Variants in EDRF1 observed in about 807,000 individuals in gnomAD.
EDRF1 encodes the protein erythroid differentiation regulatory factor 1.
Under a neutral mutation model 148.7 loss-of-function variants are expected in EDRF1, and 69 were observed. That is an observed-to-expected ratio of 0.46 (90% CI 0.38 to 0.57). The LOEUF is 0.57. EDRF1 is among the 20% of genes least tolerant of loss of function. The probability of loss-of-function intolerance (pLI) is 0.00; values close to 1 mark genes in which losing one functional copy is unlikely to be tolerated. For missense variants in EDRF1, 1,118 were observed against 1,478.7 expected (o/e 0.76, Z 4.00); for synonymous variants, 515 against 532.8 (o/e 0.97, Z 0.46).
chr10:125,729,497 C>A lies in EDRF1; in HGVS notation c.1016+18C>A. The A allele has an allele frequency of 6.2e-7, 1 of 1,614,000 alleles. No homozygotes were observed. The highest frequency in any genetic ancestry group is 8.5e-7 in the Non-Finnish European group (1 of 1,179,910). ...CGTCTCAGGTGAACTAACATCATAC[C>A]CCTCCTCAAGCTTATGGTATTTAAA... is the stretch of plus-strand genomic sequence containing the variant. On this transcript the variant is annotated intron_variant, in intron 8 of 24. Transcript: ENST00000356792.
chr10:125,720,951 A>G (rs1222697307), intron 1 of EDRF1, among the ~76,000 whole-genome samples: 1 of 152,102 alleles, frequency 6.6e-6, no homozygotes, highest in African/African-American at 2.4e-5. Flanking sequence ...TTTAAAAGAG[A>G]TGTGGGTGGT....
rs771779222 is a variant in EDRF1, at chr10:125,719,757, T to A, written c.-51T>A. On this transcript the variant is annotated 5_prime_UTR_variant, in exon 1 of 25. Coordinates refer to ENST00000356792, the MANE Select transcript of EDRF1 (RefSeq NM_001202438.2). ...TTACCCTGCTTTGGGCCTGCGTTGC[T>A]GCTGCTGCTCCTCCGCTCCCCCGTC... The A allele has an allele frequency of 5.4e-6, 8 of 1,490,432 alleles. No homozygotes were observed. Among genetic ancestry groups the A allele is most frequent in the South Asian group, 1.2e-5 (1 of 83,404 alleles). The allele number at this position is 1,490,432 out of a possible 1,614,324, so 92.3% of individuals were successfully genotyped here. A position where few individuals can be genotyped will look rare whatever the true frequency, so the allele number is the denominator to read the frequency against.
intron 18 of EDRF1, chr10:125,745,344 A>G (rs558471157): frequency 8.7e-4 from 219 of 252,952 alleles, no homozygotes; most frequent in African/African-American, 4.4e-3. Context: ...GTGTCCACAC[A>G]GGGCCTTCTC....
At chr10:125,738,466 A>G (rs1317917007) in intron 15 of EDRF1, 21 bp downstream of exon 15, 1 of 1,613,936 alleles carries the variant, frequency 6.2e-7, no homozygotes, top group Non-Finnish European at 8.5e-7. Flanking sequence ...TTGATGTGCA[A>G]ATAAGGCCTT....
At chr10:125,760,970 T>G (rs1362518460) in intron 24 of EDRF1, among the ~76,000 whole-genome samples, 1 of 152,224 alleles carries the variant, frequency 6.6e-6, no homozygotes, top group Non-Finnish European at 1.5e-5. Context: ...TGCTGCACCA[T>G]TTTATATCAG....
rs750181471 is a variant in EDRF1 at position 125,740,454 on chromosome 10, A to G, written c.1982-9A>G. On this transcript the variant is annotated splice_polypyrimidine_tract_variant and intron_variant, in intron 15 of 24. Coordinates refer to ENST00000356792, the MANE Select transcript of EDRF1 (RefSeq NM_001202438.2). ...ATGTGCTGTCTTTTTTTTTCTCTCCATGTCACAGTGGGCTCCCTTCAGAAG... is the reference window on the plus strand; with the variant it reads ...ATGTGCTGTCTTTTTTTTTCTCTCCGTGTCACAGTGGGCTCCCTTCAGAAG... 3.1e-6 allele frequency: 5 copies of G among 1,613,300 alleles called. No individual in the cohort carries two copies. The highest frequency in any genetic ancestry group is 1.7e-5 in the Admixed American group (1 of 59,970).
chr10:125,726,140 G>A (rs988111955), intron 6 of EDRF1, among the ~76,000 whole-genome samples: 2 of 151,840 alleles, frequency 1.3e-5, no homozygotes, highest in Non-Finnish European at 2.9e-5. Context: ...GTATTATATA[G>A]AGATATAGTA....
At chr10:125,749,078 C>G (rs934853595) in intron 21 of EDRF1, 7 of 339,406 alleles carry the variant, frequency 2.1e-5, no homozygotes, top group Non-Finnish European at 4.0e-5. Context: ...TGACAAAACC[C>G]CAGAAAAAAA....
At chr10:125,727,061 C>T (rs959095338) in intron 6 of EDRF1, among the ~76,000 whole-genome samples, 23 of 151,972 alleles carry the variant, frequency 1.5e-4, no homozygotes, top group African/African-American at 5.6e-4. Context: ...CTTGGAGCTG[C>T]GTATTGTACA....
chr10:125,724,365 G>A (rs1043410823), intron 4 of EDRF1, among the ~76,000 whole-genome samples: 1 of 152,176 alleles, frequency 6.6e-6, no homozygotes, highest in African/African-American at 2.4e-5. Context: ...TTCAGTCAGC[G>A]ATGGACTGCA....
intron 17 of EDRF1, chr10:125,742,357 A>C: frequency 8.1e-7 from 1 of 1,241,836 alleles, no homozygotes; most frequent in Admixed American, 2.6e-5. Flanking sequence ...TGCTTCTGTA[A>C]TGTCTCATGG....
At chr10:125,750,191 G>A (rs1048385881) in intron 22 of EDRF1, among the ~76,000 whole-genome samples, 21 of 152,066 alleles carry the variant, frequency 1.4e-4, no homozygotes, top group African/African-American at 4.1e-4. Flanking sequence ...TGAAAAATTT[G>A]GGAATGGAGA....
intron 13 of EDRF1, 31 bp downstream of exon 13, chr10:125,735,935 A>G: frequency 6.4e-7 from 1 of 1,558,070 alleles, no homozygotes; most frequent in Non-Finnish European, 8.8e-7. Flanking sequence ...TTAAATTTTT[A>G]TCAAGGAAAC....
At chr10:125,739,744 A>G (rs1417369899) in intron 15 of EDRF1, among the ~76,000 whole-genome samples, 1 of 152,250 alleles carries the variant, frequency 6.6e-6, no homozygotes, top group African/African-American at 2.4e-5. Flanking sequence ...TTTGCAGAGC[A>G]AAATTTTCCA....
chr10:125,721,277 G>A lies in EDRF1; in HGVS notation c.182G>A (p.Arg61Gln), dbSNP rs771083935. The change falls in exon 2 of 25, where the codon CGA becomes CAA. Residue 61 changes from arginine (R) to glutamine (Q), a missense_variant. This residue lies in a region of EDRF1 where 99 missense variants were observed against 186.9 expected (regional missense o/e 0.53). Coordinates refer to ENST00000356792, the MANE Select transcript of EDRF1 (RefSeq NM_001202438.2). ...GTGAAATACTCTTCTGCCCCTCCTC[G>A]AACAGCATTTGCACGCCTTGAAGAG... ...AVVKYSSAPP[R>Q]TAFARLEEKT... The A allele has an allele frequency of 5.0e-6, 8 of 1,614,108 alleles. No individual in the cohort carries two copies. Among genetic ancestry groups the A allele is most frequent in the East Asian group, 4.5e-5 (2 of 44,880 alleles).
At chr10:125,759,014 G>C (rs900988322) in intron 24 of EDRF1, among the ~76,000 whole-genome samples, 1 of 151,994 alleles carries the variant, frequency 6.6e-6, no homozygotes. Flanking sequence ...TGAGTCTTTT[G>C]TTTCATAGAG....
chr10:125,732,599 A>G (rs1230851619), intron 9 of EDRF1, among the ~76,000 whole-genome samples: 7 of 152,210 alleles, frequency 4.6e-5, no homozygotes, highest in African/African-American at 1.4e-4. Flanking sequence ...GAGAACAAGA[A>G]TAGCACAGAT....
At chr10:125,729,126 A>C (rs549091762) in intron 7 of EDRF1, 22 bp downstream of exon 7, 1 of 1,541,004 alleles carries the variant, frequency 6.5e-7, no homozygotes, top group Non-Finnish European at 8.7e-7. Flanking sequence ...ATGGTGTCCA[A>C]GGTGACAGCA....
chr10:125,730,706 G>A (rs1035028808), intron 9 of EDRF1, among the ~76,000 whole-genome samples: 2 of 152,208 alleles, frequency 1.3e-5, no homozygotes, highest in Non-Finnish European at 2.9e-5. Context: ...ACACAATGGA[G>A]GCGTTTCTTC....
Sources: allele counts gnomAD v4.1 joint callset (sites outside exome capture counted in the v4.1 genomes callset), GRCh38; gene constraint gnomAD v4.1.1; regional missense constraint gnomAD v4.1.1; transcripts MANE v1.5; gene names NCBI Gene and HGNC (gene_info 2026-07-23, HGNC 2026-07-21).